Variants in DUOX2 observed in about 807,000 individuals in gnomAD.
DUOX2 encodes NADH/NADPH thyroid oxidase p138-tox.
DUOX2 carries 185 observed loss-of-function variants against 183.3 expected under a neutral mutation model. The ratio of observed to expected loss-of-function variants is 1.01; its 90% CI spans 0.90 to 1.14. The LOEUF (loss-of-function observed/expected upper bound fraction) is 1.14, where lower values mean the gene tolerates loss of function less well. Ranked by LOEUF, DUOX2 falls within the 50% of genes most tolerant of loss-of-function variation. DUOX2 has a pLI of 0.00. For synonymous variants in DUOX2, 788 were observed against 812.4 expected (o/e 0.97, Z 0.51); for missense variants, 1,999 against 2,022.9 (o/e 0.99, Z 0.23).
In DUOX2 at chr15:45,103,703, G is replaced by T. The variant is rs558162773; in HGVS notation, c.2654+257C>A. Among the ~76,000 whole-genome samples, 3 of 146,810 alleles carry T rather than the reference G, an allele frequency of 2.0e-5. No individual in the cohort carries two copies. The South Asian group carries it at 6.6e-4, about 32-fold the overall frequency. ...TTGTCGTTGGCCATATTGGTGTTGG[G>T]TTTTTTTTTTTCGTTTTTTAACTAG... On this transcript the variant is annotated intron_variant, in intron 20 of 33. Transcript: ENST00000389039.
At chr15:45,110,122 G>A in intron 9 of DUOX2, 142 bp from the exon 10 acceptor site, 1 of 827,052 alleles carries the variant, frequency 1.2e-6, no homozygotes, top group Non-Finnish European at 2.1e-6. Flanking sequence ...GAGATTTGGT[G>A]ATGTGCGTTT....
chr15:45,107,614 C>T (rs1894254492), intron 13 of DUOX2, 151 bp from the exon 14 acceptor site: 9 of 850,820 alleles, frequency 1.1e-5, no homozygotes, highest in African/African-American at 3.3e-5. Context: ...GAGGCCAAGG[C>T]GAGTGGATCA....
At position 45,104,221 on chromosome 15, in the gene DUOX2, T is replaced by C. The variant is rs958795804; in HGVS notation, c.2479A>G (p.Met827Val). The C allele has an allele frequency of 1.2e-6, 2 of 1,614,098 alleles. No individual in the cohort carries two copies. Among genetic ancestry groups the C allele is most frequent in the Non-Finnish European group, 1.7e-6 (2 of 1,180,002 alleles). ...CCATCCTTGTCAGCCAGAGAGAACA[T>C]GGACTCCACAAACATGTCCTGGGGC... is the stretch of plus-strand genomic sequence containing the variant. ...LKPQDMFVES[M>V]FSLADKDGNG... Residue 827 changes from methionine to valine, a missense_variant, in exon 19 of 34, where the codon ATG becomes GTG. Physicochemically the swap from Met to Val is conservative, Grantham distance 21. Around this residue, in one of 3 missense-constraint regions of DUOX2, gnomAD observed 1,628 missense variants for 1,608.6 expected, o/e 1.01. Transcript: ENST00000389039.
chr15:45,113,222 C>G lies in DUOX2; in HGVS notation c.70+120G>C, dbSNP rs1289138539. The G allele has an allele frequency of 1.1e-5, 16 of 1,454,732 alleles. No homozygotes were observed. The East Asian group carries it at 3.5e-4, about 31-fold the overall frequency. 90.1% of individuals were successfully genotyped at this position (1,454,732 alleles called of 1,614,324 possible). On this transcript the variant is annotated intron_variant, in intron 2 of 33. Transcript: ENST00000389039. Reference sequence around the variant, plus strand: ...GGCCGCACTGGGAAGTTTCCCATCCCGCTGAGCTGCACGGCGAAATGACCT... The same window carrying G: ...GGCCGCACTGGGAAGTTTCCCATCCGGCTGAGCTGCACGGCGAAATGACCT...
rs1216945249 is a variant in DUOX2, at chr15:45,111,219, C to A, written c.774G>T (p.Trp258Cys). Residue 258 changes from tryptophan to cysteine, a missense_variant, in exon 7 of 34, where the codon TGG becomes TGT. Physicochemically the swap from Trp to Cys is radical, Grantham distance 215. Coordinates refer to ENST00000389039, the MANE Select transcript of DUOX2 (RefSeq NM_001363711.2). ...EPFLQALGLL[W>C]FRYHNLWAQR... ...GCGCCCACAGGTTGTGGTAGCGGAA[C>A]CAGAGCAGGCCCAGCGCCTGCAGGA... 1.6e-6 allele frequency: 2 copies of A among 1,288,582 alleles called. No homozygotes were observed. The highest frequency in any genetic ancestry group is 2.1e-6 in the Non-Finnish European group (2 of 944,516). 79.8% of individuals were successfully genotyped at this position (1,288,582 alleles called of 1,614,324 possible). A position where few individuals can be genotyped will look rare whatever the true frequency, so the allele number is the denominator to read the frequency against.
At chr15:45,105,572 C>G in intron 18 of DUOX2, 71 bp downstream of exon 18, 1 of 1,581,168 alleles carries the variant, frequency 6.3e-7, no homozygotes, top group Non-Finnish European at 8.7e-7. Flanking sequence ...CCCACAGGGG[C>G]GTTCTATGCA....
Position 45,106,224 on chromosome 15 carries a change from A to G in DUOX2, c.2049T>C (p.Arg683=), listed in dbSNP as rs769368293. ...QVLNRHLTVL[R]VVQLQPLQQV... ...GCTGCAGAGGCTGCAGCTGGACCAC[A>G]CGGAGCACAGTGAGATGCCTGTTCA... The change falls in exon 17 of 34, where the codon CGT becomes CGC. Residue 683 remains arginine (R), a synonymous_variant. Transcript: ENST00000389039. The G allele has an allele frequency of 1.9e-6, 3 of 1,614,152 alleles. No homozygotes were observed. The highest frequency in any genetic ancestry group is 2.5e-6 in the Non-Finnish European group (3 of 1,180,000).
At chr15:45,094,420 C>A (rs772669878) in intron 33 of DUOX2, 143 bp downstream of exon 33, 1 of 1,519,814 alleles carries the variant, frequency 6.6e-7, no homozygotes, top group Non-Finnish European at 9.0e-7. Flanking sequence ...GGGTGGAAGT[C>A]CCCCTTTAAC....
Position 45,099,763 on chromosome 15 carries a change from A to C in DUOX2, c.3314T>G (p.Leu1105Arg). The C allele has an allele frequency of 6.2e-7, 1 of 1,614,182 alleles. No homozygotes were observed. Residue 1105 changes from leucine (L) to arginine (R), a missense_variant, in exon 25 of 34, where the codon CTC (leucine) becomes CGC (arginine). Leu to Arg is a moderately radical substitution (Grantham distance 102). Transcript: ENST00000389039. ...GAAAGTCTCTCGCAGGAAGGTTATGAGGTTGCGGCACATGGTGAGCAAGAT... is the reference window on the plus strand; with the variant it reads ...GAAAGTCTCTCGCAGGAAGGTTATGCGGTTGCGGCACATGGTGAGCAAGAT... ...SYILLTMCRNLITFLRETFLN... is the reference protein window; with the variant it reads ...SYILLTMCRNRITFLRETFLN...
chr15:45,113,263 C>T (rs892420824), intron 2 of DUOX2, 79 bp downstream of exon 2: 3 of 1,504,152 alleles, frequency 2.0e-6, no homozygotes, highest in Non-Finnish European at 2.7e-6. Flanking sequence ...TCTCAGGGAG[C>T]CGCTTGCCGC....
intron 2 of DUOX2, 50 bp from the exon 3 acceptor site, chr15:45,113,126 TC>T (rs781629783): frequency 1.3e-6 from 2 of 1,581,738 alleles, no homozygotes; most frequent in Non-Finnish European, 1.7e-6. Context: ...CAGCTACCCC[TC>T]CCGAGCAACG....
At position 45,107,324 on chromosome 15, in the gene DUOX2, G is replaced by A. The variant is rs1441733723; in HGVS notation, c.1693+21C>T. The A allele has an allele frequency of 3.7e-6, 6 of 1,612,990 alleles. No individual in the cohort carries two copies. In the African/African-American group the frequency reaches 6.7e-5, roughly 18 times the overall value. On this transcript the variant is annotated intron_variant, in intron 14 of 33. Coordinates refer to ENST00000389039, the MANE Select transcript of DUOX2 (RefSeq NM_001363711.2). ...CTTCTCTGGCCACTGTCACTCACTT[G>A]TGTTCTCCCACGGCACTCACCTTTA...
At chr15:45,103,141 G>A (rs914763407) in intron 20 of DUOX2, among the ~76,000 whole-genome samples, 1 of 152,250 alleles carries the variant, frequency 6.6e-6, no homozygotes, top group Non-Finnish European at 1.5e-5. Context: ...AGAAGCCCTT[G>A]TCCAGTTGGG....
intron 8 of DUOX2, 49 bp from the exon 9 acceptor site, chr15:45,110,573 CATCCT>C (rs1390761506): frequency 6.2e-7 from 1 of 1,613,860 alleles, no homozygotes; most frequent in Non-Finnish European, 8.5e-7. Flanking sequence ...CTTGCCTCCA[CATCCT>C]CCCATCACAG....
In DUOX2 at chr15:45,094,155, A is replaced by T; in HGVS notation, c.4642T>A (p.Phe1548Ile). The T allele has an allele frequency of 6.2e-7, 1 of 1,614,120 alleles. No homozygotes were observed. Among genetic ancestry groups the T allele is most frequent in the Middle Eastern group, 1.6e-4 (1 of 6,062 alleles). Residue 1548 changes from phenylalanine (F) to isoleucine (I), a missense_variant, in exon 34 of 34, where the codon TTC (phenylalanine) becomes ATC (isoleucine). Transcript: ENST00000389039. ...RAHFMHHYEN[F>I] The stretch of plus-strand genomic sequence containing the variant: ...AGCAGCCAGGGAGGACAGGCTCAGA[A>T]GTTCTCATAGTGGTGCATGAAGTGG...
At chr15:45,109,084 G>T in intron 11 of DUOX2, 132 bp from the exon 12 acceptor site, 1 of 1,234,836 alleles carries the variant, frequency 8.1e-7, no homozygotes, top group Non-Finnish European at 1.2e-6. Context: ...TGAGATCTGT[G>T]CCCATGCTGA....
In DUOX2 at chr15:45,111,846, G is replaced by T. The variant is rs1392666787; in HGVS notation, c.435C>A (p.Arg145=). The T allele has an allele frequency of 1.9e-6, 3 of 1,613,514 alleles. No individual in the cohort carries two copies. The East Asian group carries it at 6.7e-5, about 36-fold the overall frequency. Residue 145 remains arginine (R), a synonymous_variant, in exon 5 of 34, where the codon CGC becomes CGA. Transcript: ENST00000389039. ...TCTGGAAGGGCAGCACCACGTCCCC[G>T]CGCTGGTCGGGGTCGAACACGGGGT... ...PGDPVFDPDQ[R]GDVVLPFQRS...
rs1281931472 is a variant in DUOX2 at position 45,106,305 on chromosome 15, C to T, written c.1968G>A (p.Lys656=). ...GGATGATGATGGGACTGCTCCTCTC[C>T]TTGGGGCCTGGCCACTCCATCGCTG... The part of the protein sequence containing the change: ...GVPAMEWPGP[K]ERSSPIIIQL... The change falls in exon 17 of 34, where the codon AAG becomes AAA. Residue 656 remains lysine, a synonymous_variant. Coordinates refer to ENST00000389039, the MANE Select transcript of DUOX2 (RefSeq NM_001363711.2). 6.2e-7 allele frequency: 1 copy of T among 1,614,110 alleles called. No individual in the cohort carries two copies. The highest frequency in any genetic ancestry group is 1.1e-5 in the South Asian group (1 of 91,088).
Position 45,100,031 on chromosome 15 carries a change from C to T in DUOX2, c.3184+19G>A. 2 of 1,614,232 alleles carry T rather than the reference C, an allele frequency of 1.2e-6. No individual in the cohort carries two copies. Among genetic ancestry groups the T allele is most frequent in the Non-Finnish European group, 1.7e-6 (2 of 1,180,044 alleles). ...CAGAGCCTGCTCCCTACCCACTGCC[C>T]ACAGCCTGGAACTCTTACAGTAAGC... On this transcript the variant is annotated intron_variant, in intron 24 of 33. Coordinates refer to ENST00000389039, the MANE Select transcript of DUOX2 (RefSeq NM_001363711.2).
Sources: allele counts gnomAD v4.1 joint callset (sites outside exome capture counted in the v4.1 genomes callset), GRCh38; gene constraint gnomAD v4.1.1; regional missense constraint gnomAD v4.1.1; transcripts MANE v1.5; gene names NCBI Gene and HGNC (gene_info 2026-07-23, HGNC 2026-07-21).